Variants in FAM193A observed in about 807,000 individuals in gnomAD.
FAM193A encodes family with sequence similarity 193 member A.
In FAM193A, 22 loss-of-function variants were observed where a neutral mutation model predicts 126.5. That is an observed-to-expected ratio of 0.17 (90% CI 0.12 to 0.25). The LOEUF is 0.25. Ranked by LOEUF, FAM193A falls within the 10% of genes least tolerant of loss-of-function variation. FAM193A has a pLI of 1.00. For synonymous variants in FAM193A, 761 were observed against 646.8 expected, an observed-to-expected ratio of 1.18 and a Z score of -2.68; for missense variants, 1,675 against 1,672.8, an observed-to-expected ratio of 1.00 and a Z score of -0.02.
intron 2 of FAM193A, among the ~76,000 whole-genome samples, chr4:2,618,933 T>C (rs958527772): frequency 6.6e-5 from 10 of 152,126 alleles, no homozygotes; most frequent in African/African-American, 2.2e-4. Flanking sequence ...GGTTTCACCA[T>C]GTTGGTCAGA....
At chr4:2,598,051 C>T (rs955501594) in intron 2 of FAM193A, among the ~76,000 whole-genome samples, 5 of 152,088 alleles carry the variant, frequency 3.3e-5, no homozygotes, top group African/African-American at 9.7e-5. Flanking sequence ...ACTACAGGCA[C>T]GCGCCACCAT....
chr4:2,717,422 C>T (rs1395892111), intron 20 of FAM193A, among the ~76,000 whole-genome samples: 1 of 151,914 alleles, frequency 6.6e-6, no homozygotes, highest in Non-Finnish European at 1.5e-5. Flanking sequence ...ATGGTGAAAC[C>T]CCGTCTCTAC....
At chr4:2,630,048 T>C (rs1485463582) in intron 4 of FAM193A, among the ~76,000 whole-genome samples, 2 of 150,758 alleles carry the variant, frequency 1.3e-5, no homozygotes, top group Non-Finnish European at 2.9e-5. Context: ...AGGAGAACTG[T>C]GTGAACCCAG....
At chr4:2,556,061 T>A (rs770449423) in intron 1 of FAM193A, among the ~76,000 whole-genome samples, 3 of 151,220 alleles carry the variant, frequency 2.0e-5, no homozygotes, top group Non-Finnish European at 4.4e-5. Flanking sequence ...CACGCCTGGA[T>A]AATTTTGTAT....
intron 5 of FAM193A, among the ~76,000 whole-genome samples, chr4:2,638,268 C>T (rs912068184): frequency 6.6e-6 from 1 of 152,244 alleles, no homozygotes; most frequent in East Asian, 1.9e-4. Flanking sequence ...GAGCAGCGGA[C>T]TATTGTAGCA....
intron 20 of FAM193A, among the ~76,000 whole-genome samples, chr4:2,725,269 A>C (rs1384443503): frequency 6.6e-6 from 1 of 151,912 alleles, no homozygotes; most frequent in African/African-American, 2.4e-5. Context: ...GCAACACAGC[A>C]AGACGTCATC....
chr4:2,713,781 G>A (rs1468350404), intron 19 of FAM193A, among the ~76,000 whole-genome samples: 1 of 152,202 alleles, frequency 6.6e-6, no homozygotes, highest in African/African-American at 2.4e-5. Context: ...TCCTCAGGCA[G>A]TGGCCTTGAG....
chr4:2,615,271 CTTAAGGTG>C (rs1742110975), intron 2 of FAM193A: 2 of 152,224 alleles, frequency 1.3e-5, no homozygotes, highest in Admixed American at 6.5e-5. Context: ...GTTTTGGTTT[CTTAAGGTG>C]GAAGTTTACA....
At chr4:2,627,617 G>A (rs898158988) in intron 4 of FAM193A, among the ~76,000 whole-genome samples, 3 of 124,990 alleles carry the variant, frequency 2.4e-5, no homozygotes, top group African/African-American at 9.5e-5. Flanking sequence ...TCACTCTGTC[G>A]CCCAGGCTGA....
chr4:2,561,170 A>T (rs1738590835), intron 1 of FAM193A, among the ~76,000 whole-genome samples: 1 of 152,202 alleles, frequency 6.6e-6, no homozygotes, highest in African/African-American at 2.4e-5. Flanking sequence ...TTAGGCATAT[A>T]TGCTGGTAGA....
intron 1 of FAM193A, among the ~76,000 whole-genome samples, chr4:2,538,492 C>G (rs1024020025): frequency 6.6e-6 from 1 of 152,072 alleles, no homozygotes; most frequent in Admixed American, 6.6e-5. Context: ...CGCGCCCGGC[C>G]GTTTTTATTA....
intron 1 of FAM193A, among the ~76,000 whole-genome samples, chr4:2,563,482 A>G (rs1578603989): frequency 6.8e-6 from 1 of 147,484 alleles, no homozygotes; most frequent in African/African-American, 2.5e-5. Flanking sequence ...AGGTGGGAGG[A>G]TTGCTTGAGG....
At chr4:2,690,475 T>A (rs547947321) in intron 14 of FAM193A, among the ~76,000 whole-genome samples, 1 of 152,320 alleles carries the variant, frequency 6.6e-6, no homozygotes, top group South Asian at 2.1e-4. Context: ...ATTTTAAGAC[T>A]TTACGTAACT....
At chr4:2,585,095 T>C (rs1056274079) in intron 1 of FAM193A, among the ~76,000 whole-genome samples, 4 of 152,264 alleles carry the variant, frequency 2.6e-5, no homozygotes, top group African/African-American at 7.2e-5. Flanking sequence ...GGTTTATCCA[T>C]TTTAATTCCT....
chr4:2,682,891 T>C (rs1458151113), intron 13 of FAM193A, among the ~76,000 whole-genome samples: 1 of 152,164 alleles, frequency 6.6e-6, no homozygotes, highest in Non-Finnish European at 1.5e-5. Flanking sequence ...TTTAGATGAA[T>C]AATAATAAGA....
Position 2,699,995 on chromosome 4 carries a change from C to T in FAM193A, c.3823C>T (p.His1275Tyr). The T allele has an allele frequency of 1.2e-6, 2 of 1,613,916 alleles. No individual in the cohort carries two copies. Among genetic ancestry groups the T allele is most frequent in the Non-Finnish European group, 8.5e-7 (1 of 1,179,976 alleles). Reference protein sequence around the residue: ...EQTEEPETSSHSPSRHMNHSE... With the variant: ...EQTEEPETSSYSPSRHMNHSE... ...AACTGAAGAACCAGAAACCTCTTCT[C>T]ACTCCCCATCCAGGCATATGAACCA... Residue 1275 changes from histidine (H) to tyrosine (Y), a missense_variant, in exon 19 of 21, where the codon CAC (histidine) becomes TAC (tyrosine). His to Tyr is a moderately conservative substitution (Grantham distance 83, BLOSUM62 2). Transcript: ENST00000637812.
intron 13 of FAM193A, among the ~76,000 whole-genome samples, chr4:2,687,887 A>G (rs1715918888): frequency 6.6e-6 from 1 of 152,106 alleles, no homozygotes; most frequent in African/African-American, 2.4e-5. Flanking sequence ...AGGGTGTAGC[A>G]CTGTCATCCC....
chr4:2,663,306 G>T lies in FAM193A; in HGVS notation c.2079+18G>T, dbSNP rs766981878. 6.5e-7 allele frequency: 1 copy of T among 1,535,224 alleles called. No individual in the cohort carries two copies. The highest frequency in any genetic ancestry group is 8.8e-7 in the Non-Finnish European group (1 of 1,141,898). On this transcript the variant is annotated intron_variant, in intron 12 of 20. Coordinates refer to ENST00000637812, the MANE Select transcript of FAM193A (RefSeq NM_001366318.2). The stretch of plus-strand genomic sequence containing the variant: ...CACAGCAGGTAGGACTTTGCTTGCT[G>T]TTTTGCCAAGGATCTCTTTTTCTGT...
chr4:2,577,411 G>GTTTTTTTT (rs67407606), intron 1 of FAM193A, among the ~76,000 whole-genome samples: 9 of 101,852 alleles, frequency 8.8e-5, no homozygotes, highest in Admixed American at 1.8e-4. Flanking sequence ...AATTAAAGTG[G>GTTTTTTTT]TTTTTTTTTT....
Sources: allele counts gnomAD v4.1 joint callset (sites outside exome capture counted in the v4.1 genomes callset), GRCh38; gene constraint gnomAD v4.1.1; transcripts MANE v1.5; gene names NCBI Gene and HGNC (gene_info 2026-07-23, HGNC 2026-07-21).